The following SDK1 variants were observed in gnomAD, a reference collection of about 807,000 sequenced individuals.
The protein encoded by SDK1 is sidekick cell adhesion molecule 1, also known as protein sidekick-1.
A neutral mutation model predicts 245.5 loss-of-function variants in SDK1; 157 were observed. That is an observed-to-expected ratio of 0.64 (90% CI 0.56 to 0.73). SDK1 has a LOEUF of 0.73. Ranked by LOEUF, SDK1 falls within the 30% of genes least tolerant of loss-of-function variation. The probability of loss-of-function intolerance (pLI) is 0.00; values close to 1 mark genes in which losing one functional copy is unlikely to be tolerated. For synonymous variants in SDK1, 1,647 were observed against 1,278.5 expected (o/e 1.29, Z -6.15); for missense variants, 3,583 against 3,002.3 (o/e 1.19, Z -4.52).
chr7:3,992,613 A>G (rs1441334562), intron 14 of SDK1, among the ~76,000 whole-genome samples: 1 of 152,178 alleles, frequency 6.6e-6, no homozygotes, highest in African/African-American at 2.4e-5. Context: ...ACTCTCTAAA[A>G]TGCTTATCGA....
At chr7:3,610,990 C>G (rs972102141) in intron 1 of SDK1, among the ~76,000 whole-genome samples, 5 of 152,186 alleles carry the variant, frequency 3.3e-5, no homozygotes, top group African/African-American at 1.2e-4. Context: ...ATACGCAGCA[C>G]AATCTTTGAC....
chr7:3,733,450 C>T (rs1435883410), intron 4 of SDK1, among the ~76,000 whole-genome samples: 1 of 152,148 alleles, frequency 6.6e-6, no homozygotes, highest in Non-Finnish European at 1.5e-5. Context: ...TTTGCTTTAA[C>T]CGGATTCATA....
At chr7:4,209,739 T>A (rs1170020452) in intron 37 of SDK1, among the ~76,000 whole-genome samples, 1 of 152,190 alleles carries the variant, frequency 6.6e-6, no homozygotes, top group Non-Finnish European at 1.5e-5. Flanking sequence ...ATTTTCTATT[T>A]CCATCTATTA....
At chr7:3,483,116 G>C (rs1195325865) in intron 1 of SDK1, among the ~76,000 whole-genome samples, 3 of 152,014 alleles carry the variant, frequency 2.0e-5, no homozygotes, top group Non-Finnish European at 2.9e-5. Flanking sequence ...TTTAGGATTG[G>C]CTTGTCAAGT....
At chr7:3,459,572 AGGACAAAG>A (rs1780773763) in intron 1 of SDK1, among the ~76,000 whole-genome samples, 1 of 152,184 alleles carries the variant, frequency 6.6e-6, no homozygotes, top group Non-Finnish European at 1.5e-5. Flanking sequence ...AGTGGGGAGG[AGGACAAAG>A]GGACAAAGGA....
chr7:3,611,034 T>A (rs912428519), intron 1 of SDK1, among the ~76,000 whole-genome samples: 1 of 152,234 alleles, frequency 6.6e-6, no homozygotes, highest in African/African-American at 2.4e-5. Context: ...ATAAGAGATA[T>A]ATTCTTTCAA....
chr7:3,950,480 T>G (rs1406904832), intron 5 of SDK1, among the ~76,000 whole-genome samples: 1 of 152,188 alleles, frequency 6.6e-6, no homozygotes, highest in Non-Finnish European at 1.5e-5. Context: ...AGGGACCACA[T>G]TCGCATAACT....
At chr7:4,149,773 G>A (rs1562888897) in intron 30 of SDK1, among the ~76,000 whole-genome samples, 2 of 152,238 alleles carry the variant, frequency 1.3e-5, no homozygotes, top group East Asian at 3.9e-4. Flanking sequence ...CATGTGGGCT[G>A]GAGTCCTAGC....
intron 4 of SDK1, among the ~76,000 whole-genome samples, chr7:3,784,250 C>T (rs1257439414): frequency 6.6e-6 from 1 of 151,468 alleles, no homozygotes; most frequent in Non-Finnish European, 1.5e-5. Context: ...GATATTATGC[C>T]AAGAATATGC....
chr7:4,091,692 A>T (rs1292606043), intron 22 of SDK1, among the ~76,000 whole-genome samples: 1 of 151,878 alleles, frequency 6.6e-6, no homozygotes, highest in Admixed American at 6.6e-5. Flanking sequence ...ATCTCTTTAA[A>T]CACCTTCTGA....
intron 1 of SDK1, among the ~76,000 whole-genome samples, chr7:3,504,892 C>T (rs773060516): frequency 6.6e-6 from 1 of 152,032 alleles, no homozygotes; most frequent in Non-Finnish European, 1.5e-5. Context: ...TATGACCTAG[C>T]AATTCTACTC....
intron 1 of SDK1, among the ~76,000 whole-genome samples, chr7:3,337,277 G>C (rs1780226481): frequency 6.6e-6 from 1 of 151,992 alleles, no homozygotes; most frequent in African/African-American, 2.4e-5. Flanking sequence ...TAAAAATACT[G>C]AATGGGCTCA....
rs548961978 is a variant in SDK1, at chr7:3,663,285, C to T, written c.713+21180C>T. ...TGTCCTACATCAGAGAAATGAACAT[C>T]CATGTTTTTGTTTTCAAGTGGGATA... On this transcript the variant is annotated intron_variant, in intron 4 of 44. Transcript: ENST00000404826. 2.2e-4 allele frequency among the ~76,000 whole-genome samples: 33 copies of T among 152,168 alleles called. 1 individual carries two copies. The South Asian group carries it at 6.4e-3, about 30-fold the overall frequency.
At position 3,540,550 on chromosome 7, in the gene SDK1, T is replaced by C. The variant is rs112765342; in HGVS notation, c.299-78530T>C. Among the ~76,000 whole-genome samples, 30 of 152,262 alleles carry C rather than the reference T, an allele frequency of 2.0e-4. 1 individual carries two copies. Among genetic ancestry groups the C allele is most frequent in the African/African-American group, 5.8e-4 (24 of 41,530 alleles). On this transcript the variant is annotated intron_variant, in intron 1 of 44. Coordinates refer to ENST00000404826, the MANE Select transcript of SDK1 (RefSeq NM_152744.4). ...GACTCTGAATCTAAGAAGAAGACTT[T>C]AAGGAAGGCTGGTCAAGGTTGATGG...
chr7:3,881,855 C>G (rs1019181986), intron 5 of SDK1, among the ~76,000 whole-genome samples: 1 of 152,156 alleles, frequency 6.6e-6, no homozygotes, highest in Non-Finnish European at 1.5e-5. Flanking sequence ...GTACAGCTTC[C>G]CTTCACATTG....
At chr7:4,068,286 G>T (rs1164389553) in intron 20 of SDK1, among the ~76,000 whole-genome samples, 1 of 152,180 alleles carries the variant, frequency 6.6e-6, no homozygotes, top group Non-Finnish European at 1.5e-5. Context: ...TAGCAGCATG[G>T]TAAGGTCAAT....
At chr7:3,489,669 T>G (rs1253752062) in intron 1 of SDK1, among the ~76,000 whole-genome samples, 1 of 152,220 alleles carries the variant, frequency 6.6e-6, no homozygotes, top group East Asian at 1.9e-4. Flanking sequence ...TTCTGCATAT[T>G]TGTAATTCAG....
intron 2 of SDK1, among the ~76,000 whole-genome samples, chr7:3,622,340 G>T (rs1333174196): frequency 1.3e-5 from 2 of 152,078 alleles, no homozygotes; most frequent in African/African-American, 2.4e-5. Context: ...AATTAGCCAG[G>T]CATGGTGGCG....
chr7:3,493,749 C>G (rs945002087), intron 1 of SDK1, among the ~76,000 whole-genome samples: 5 of 152,138 alleles, frequency 3.3e-5, no homozygotes, highest in Admixed American at 6.5e-5. Context: ...TTTGATCATC[C>G]TTTCTCACTT....
Sources: gnomAD v4.1 joint callset for allele counts (sites outside exome capture counted in the v4.1 genomes callset) on GRCh38, gnomAD v4.1.1 for gene constraint, MANE v1.5 for transcripts, NCBI Gene and HGNC (gene_info 2026-07-23, HGNC 2026-07-21) for gene names.